The following PTPRM variants were observed in gnomAD, a reference collection of about 807,000 sequenced individuals.
PTPRM encodes receptor-type tyrosine-protein phosphatase mu.
In PTPRM, 47 loss-of-function variants were observed where a neutral mutation model predicts 186.7. The ratio of observed to expected loss-of-function variants is 0.25; its 90% CI spans 0.20 to 0.32. PTPRM has a LOEUF of 0.32. PTPRM is among the 10% of genes least tolerant of loss of function. PTPRM has a pLI of 1.00. For synonymous variants in PTPRM, 668 were observed against 674.9 expected (o/e 0.99, Z 0.16); for missense variants, 1,494 against 1,865.0 (o/e 0.80, Z 3.66).
intron 7 of PTPRM, among the ~76,000 whole-genome samples, chr18:7,973,940 A>T (rs1193434377): frequency 1.3e-5 from 2 of 151,034 alleles, no homozygotes; most frequent in African/African-American, 2.4e-5. Flanking sequence ...TTTTATACTT[A>T]GAGTATTTAG....
At chr18:8,066,037 G>A (rs768203800) in intron 7 of PTPRM, among the ~76,000 whole-genome samples, 3 of 152,072 alleles carry the variant, frequency 2.0e-5, no homozygotes, top group Non-Finnish European at 4.4e-5. Context: ...AATGGAAATC[G>A]CTCTGTAGAA....
chr18:8,338,765 A>G (rs529185985), intron 22 of PTPRM, among the ~76,000 whole-genome samples: 1 of 152,360 alleles, frequency 6.6e-6, no homozygotes, highest in South Asian at 2.1e-4. Context: ...TATTCTGTTT[A>G]TGATGGAATG....
At chr18:8,086,872 CTT>C (rs1228150516) in intron 10 of PTPRM, among the ~76,000 whole-genome samples, 10 of 152,022 alleles carry the variant, frequency 6.6e-5, no homozygotes, top group Non-Finnish European at 2.9e-5. Flanking sequence ...TGAGCACAAA[CTT>C]GACTTGAAAT....
chr18:7,853,395 C>T (rs1040162603), intron 2 of PTPRM, among the ~76,000 whole-genome samples: 2 of 152,164 alleles, frequency 1.3e-5, no homozygotes, highest in African/African-American at 2.4e-5. Context: ...GGTGTCCTCC[C>T]TTGGGAGCTT....
intron 1 of PTPRM, among the ~76,000 whole-genome samples, chr18:7,639,236 G>A (rs975680943): frequency 2.0e-5 from 3 of 152,124 alleles, no homozygotes; most frequent in Admixed American, 6.5e-5. Context: ...CACCACACCT[G>A]GCTAACTTTA....
At position 8,076,377 on chromosome 18, in the gene PTPRM, G is replaced by T. The variant is rs964062743; in HGVS notation, c.1442-78G>T. ...ATTAAAATCTTTTCTCTCAATAGAA[G>T]GTTAAAACCAAGTCTAGAAAAATCT... On this transcript the variant is annotated intron_variant, in intron 8 of 32. Transcript: ENST00000580170. 4.9e-6 allele frequency: 4 copies of T among 824,178 alleles called. No individual in the cohort carries two copies. The African/African-American group carries it at 7.0e-5, about 14-fold the overall frequency. 51.1% of individuals were successfully genotyped at this position (824,178 alleles called of 1,614,324 possible). A position where few individuals can be genotyped will look rare whatever the true frequency, so the allele number is the denominator to read the frequency against.
chr18:8,111,612 CA>C (rs113602878), intron 11 of PTPRM, among the ~76,000 whole-genome samples: 29 of 146,992 alleles, frequency 2.0e-4, no homozygotes, highest in East Asian at 1.2e-3. Flanking sequence ...GACTCCATCT[CA>C]AAAAAAAAAA....
chr18:7,699,264 A>T (rs752692768), intron 1 of PTPRM, among the ~76,000 whole-genome samples: 1 of 152,186 alleles, frequency 6.6e-6, no homozygotes, highest in Non-Finnish European at 1.5e-5. Flanking sequence ...CTGCTGCTTT[A>T]AATACTCATT....
At chr18:8,265,133 G>T (rs1216126973) in intron 19 of PTPRM, among the ~76,000 whole-genome samples, 1 of 152,212 alleles carries the variant, frequency 6.6e-6, no homozygotes, top group Non-Finnish European at 1.5e-5. Flanking sequence ...CTTTGGCAGA[G>T]GACCCATCCA....
rs796625932 is a variant in PTPRM at position 7,985,051 on chromosome 18, A to G, written c.1132+29637A>G. Among the ~76,000 whole-genome samples the G allele has an allele frequency of 1.2e-3, 148 of 122,534 alleles. 1 individual carries two copies. In the East Asian group the frequency reaches 0.017, roughly 14 times the overall value. 80.4% of individuals were successfully genotyped at this position (122,534 alleles called of 152,430 possible). On this transcript the variant is annotated intron_variant, in intron 7 of 32. Transcript: ENST00000580170. ...CATATATAAATATATACATATAATT[A>G]TATATACATATAATTGTATATACAT...
intron 7 of PTPRM, among the ~76,000 whole-genome samples, chr18:8,069,049 G>A (rs538635705): frequency 7.3e-6 from 1 of 137,296 alleles, no homozygotes; most frequent in Admixed American, 8.1e-5. Context: ...GGTGGAGCTT[G>A]CAGTGAGCCA....
intron 1 of PTPRM, among the ~76,000 whole-genome samples, chr18:7,737,746 G>A (rs1379896981): frequency 6.6e-6 from 1 of 152,170 alleles, no homozygotes; most frequent in Non-Finnish European, 1.5e-5. Context: ...TTGGACCAAT[G>A]TGGGCCCAAG....
At chr18:8,234,297 C>T (rs935872327) in intron 14 of PTPRM, among the ~76,000 whole-genome samples, 11 of 151,978 alleles carry the variant, frequency 7.2e-5, no homozygotes, top group Admixed American at 4.6e-4. Context: ...ACTTTTTGTA[C>T]GTATTTGTTA....
At chr18:8,132,928 G>A (rs1448512024) in intron 13 of PTPRM, among the ~76,000 whole-genome samples, 1 of 152,128 alleles carries the variant, frequency 6.6e-6, no homozygotes, top group East Asian at 1.9e-4. Context: ...TTCTGCAGCT[G>A]TAACAGAATA....
chr18:7,896,635 T>C (rs1205986935), intron 3 of PTPRM, among the ~76,000 whole-genome samples: 2 of 152,180 alleles, frequency 1.3e-5, no homozygotes, highest in African/African-American at 4.8e-5. Context: ...ATGAGAGCCT[T>C]GTGGGTTCAC....
chr18:8,341,670 G>C (rs545196276), intron 22 of PTPRM, among the ~76,000 whole-genome samples: 25 of 109,870 alleles, frequency 2.3e-4, no homozygotes, highest in African/African-American at 7.9e-4. Flanking sequence ...ACAGCCCTGT[G>C]TACCTAGTGA....
intron 1 of PTPRM, among the ~76,000 whole-genome samples, chr18:7,579,149 A>G (rs1291229362): frequency 6.6e-6 from 1 of 152,210 alleles, no homozygotes; most frequent in Non-Finnish European, 1.5e-5. Context: ...TGAAATTAGC[A>G]AAATAATCAT....
intron 2 of PTPRM, among the ~76,000 whole-genome samples, chr18:7,884,318 T>C (rs1325368572): frequency 1.3e-5 from 2 of 152,106 alleles, no homozygotes; most frequent in Admixed American, 6.6e-5. Context: ...GATACACCAA[T>C]TGGGAGACTG....
chr18:8,225,893 G>A (rs1329375767), intron 14 of PTPRM, among the ~76,000 whole-genome samples: 4 of 152,104 alleles, frequency 2.6e-5, no homozygotes, highest in Non-Finnish European at 5.9e-5. Flanking sequence ...ATACTTATAT[G>A]TCAAAGTATC....
Sources: gnomAD v4.1 joint callset for allele counts (sites outside exome capture counted in the v4.1 genomes callset) on GRCh38, gnomAD v4.1.1 for gene constraint, MANE v1.5 for transcripts, NCBI Gene and HGNC (gene_info 2026-07-23, HGNC 2026-07-21) for gene names.